Variants in RABGAP1L observed in about 807,000 individuals in gnomAD.
RABGAP1L encodes the protein RAB GTPase activating protein 1 like.
Under a neutral mutation model 137.7 loss-of-function variants are expected in RABGAP1L, and 63 were observed. That is an observed-to-expected ratio of 0.46 (90% CI 0.37 to 0.56). The LOEUF is 0.56. Ranked by LOEUF, RABGAP1L falls within the 20% of genes least tolerant of loss-of-function variation. The pLI is 0.00. For missense variants in RABGAP1L, 1,095 were observed against 1,244.0 expected, an observed-to-expected ratio of 0.88 and a Z score of 1.80; for synonymous variants, 431 against 433.7, an observed-to-expected ratio of 0.99 and a Z score of 0.08.
At chr1:174,809,738 C>A (rs1573306637) in intron 18 of RABGAP1L, among the ~76,000 whole-genome samples, 1 of 152,182 alleles carries the variant, frequency 6.6e-6, no homozygotes, top group Admixed American at 6.5e-5. Flanking sequence ...TACCAGAGAG[C>A]TAATCATCAG....
intron 13 of RABGAP1L, among the ~76,000 whole-genome samples, chr1:174,426,544 A>G (rs1651985113): frequency 6.6e-6 from 1 of 152,112 alleles, no homozygotes. Context: ...ATATTATTCA[A>G]AAAGCATAGA....
intron 7 of RABGAP1L, among the ~76,000 whole-genome samples, chr1:174,260,218 G>A (rs1345620242): frequency 6.6e-6 from 1 of 152,116 alleles, no homozygotes; most frequent in African/African-American, 2.4e-5. Flanking sequence ...GTAGAGCCAG[G>A]ATTTAAACCA....
At chr1:174,784,271 G>T (rs746497108) in intron 18 of RABGAP1L, among the ~76,000 whole-genome samples, 1 of 151,832 alleles carries the variant, frequency 6.6e-6, no homozygotes. Context: ...CGCCCACCTC[G>T]GCTCCCGAAA....
At chr1:174,495,929 A>T (rs1660693771) in intron 13 of RABGAP1L, among the ~76,000 whole-genome samples, 1 of 152,174 alleles carries the variant, frequency 6.6e-6, no homozygotes, top group Non-Finnish European at 1.5e-5. Context: ...TGTGTTACCC[A>T]GGTTGCTCTC....
At chr1:174,260,492 C>G (rs1401853938) in intron 7 of RABGAP1L, among the ~76,000 whole-genome samples, 1 of 152,086 alleles carries the variant, frequency 6.6e-6, no homozygotes, top group Non-Finnish European at 1.5e-5. Flanking sequence ...AAAGCAAGAT[C>G]ATTGTATATG....
chr1:174,415,562 T>A (rs1307874359), intron 13 of RABGAP1L, among the ~76,000 whole-genome samples: 1 of 152,078 alleles, frequency 6.6e-6, no homozygotes, highest in Non-Finnish European at 1.5e-5. Context: ...ACAAATTTTT[T>A]GAAGACAGCA....
chr1:174,553,360 C>T (rs576439251), intron 13 of RABGAP1L, among the ~76,000 whole-genome samples: 164 of 152,172 alleles, frequency 1.1e-3, no homozygotes, highest in Middle Eastern at 3.4e-3. Context: ...TGCAGTTTTA[C>T]GTTTTGCATT....
rs529738894 is a variant in RABGAP1L, at chr1:174,377,802, T to C, written c.1559+6730T>C. Among the ~76,000 whole-genome samples, 151 of 151,280 alleles carry C rather than the reference T, an allele frequency of 1.0e-3. 1 individual carries two copies. The highest frequency in any genetic ancestry group is 4.2e-3 in the Admixed American group (64 of 15,204). On this transcript the variant is annotated intron_variant, in intron 12 of 25. Coordinates refer to ENST00000681986, the MANE Select transcript of RABGAP1L (RefSeq NM_001366446.1). ...ATTTTATTATTATTATTTTTTATTA[T>C]ACTTTAAGTTTTAGGGTACATGTGC... is the stretch of plus-strand genomic sequence containing the variant.
intron 13 of RABGAP1L, among the ~76,000 whole-genome samples, chr1:174,489,855 A>T (rs574028909): frequency 3.1e-3 from 473 of 152,246 alleles, no homozygotes; most frequent in Non-Finnish European, 4.8e-3. Flanking sequence ...CAAATAGTTT[A>T]TCTTAAAGGT....
intron 13 of RABGAP1L, among the ~76,000 whole-genome samples, chr1:174,581,735 G>T (rs983751022): frequency 6.6e-6 from 1 of 152,118 alleles, no homozygotes; most frequent in South Asian, 2.1e-4. Context: ...TAAACAAAAA[G>T]ATTATTTATA....
chr1:174,537,344 G>A (rs953655851), intron 13 of RABGAP1L, among the ~76,000 whole-genome samples: 1 of 152,050 alleles, frequency 6.6e-6, no homozygotes, highest in East Asian at 1.9e-4. Context: ...CCTATGCTGC[G>A]TATAAAGGAA....
At chr1:174,833,380 G>A (rs796188873) in intron 19 of RABGAP1L, among the ~76,000 whole-genome samples, 40,591 of 102,462 alleles carry the variant, frequency 0.4, 10,386 homozygotes, top group Non-Finnish European at 0.52. Flanking sequence ...GTGTGTGTGT[G>A]TGTGTGTGTG....
chr1:174,600,949 A>T (rs768044022), intron 13 of RABGAP1L, among the ~76,000 whole-genome samples: 1 of 152,206 alleles, frequency 6.6e-6, no homozygotes, highest in African/African-American at 2.4e-5. Flanking sequence ...GAGGTTCCCC[A>T]TGAGGGCCCC....
intron 19 of RABGAP1L, among the ~76,000 whole-genome samples, chr1:174,862,965 G>T (rs1056542999): frequency 6.6e-6 from 1 of 151,244 alleles, no homozygotes; most frequent in Non-Finnish European, 1.5e-5. Context: ...CTCGATCTTG[G>T]CTCACTGCAA....
At chr1:174,286,975 C>CTG (rs1331823514) in intron 10 of RABGAP1L, among the ~76,000 whole-genome samples, 3 of 151,580 alleles carry the variant, frequency 2.0e-5, no homozygotes, top group East Asian at 1.9e-4. Flanking sequence ...AAAGAATGTT[C>CTG]TGTGTGTGTG....
chr1:174,327,705 C>T (rs1056947453), intron 11 of RABGAP1L, among the ~76,000 whole-genome samples: 4 of 151,456 alleles, frequency 2.6e-5, no homozygotes, highest in Non-Finnish European at 5.9e-5. Context: ...CGCAGAGTGG[C>T]TAATGGATAG....
At position 174,349,588 on chromosome 1, in the gene RABGAP1L, A is replaced by AC. The variant is rs1276230042; in HGVS notation, c.1466-21383dup. On this transcript the variant is annotated intron_variant, in intron 11 of 25. Coordinates refer to ENST00000681986, the MANE Select transcript of RABGAP1L (RefSeq NM_001366446.1). Reference sequence around the variant, plus strand: ...GGCCACTGGCCGGGCAGGGGGGCTGACCCCCCCCACCTCCCTCCCGGATGG... The same window carrying AC: ...GGCCACTGGCCGGGCAGGGGGGCTGACCCCCCCCCACCTCCCTCCCGGATGG... Among the ~76,000 whole-genome samples the AC allele has an allele frequency of 1.6e-3, 129 of 79,204 alleles. 1 individual carries two copies. The highest frequency in any genetic ancestry group is 5.1e-3 in the African/African-American group (96 of 18,810). 52.0% of individuals were successfully genotyped at this position (79,204 alleles called of 152,430 possible). A position where few individuals can be genotyped will look rare whatever the true frequency, so the allele number is the denominator to read the frequency against.
chr1:174,834,288 T>G (rs1017682202), intron 19 of RABGAP1L, among the ~76,000 whole-genome samples: 8 of 151,942 alleles, frequency 5.3e-5, no homozygotes, highest in African/African-American at 1.9e-4. Flanking sequence ...TAGCAGGGTG[T>G]GGTGGCACAC....
At chr1:174,161,613 A>G (rs567579165) in intron 1 of RABGAP1L, among the ~76,000 whole-genome samples, 8 of 152,358 alleles carry the variant, frequency 5.3e-5, no homozygotes, top group East Asian at 3.9e-4. Context: ...AACATATTAT[A>G]TAACCTACAT....
Sources: allele counts gnomAD v4.1 joint callset (sites outside exome capture counted in the v4.1 genomes callset), GRCh38; gene constraint gnomAD v4.1.1; transcripts MANE v1.5; gene names NCBI Gene and HGNC (gene_info 2026-07-23, HGNC 2026-07-21).